Variants in FBXW4 observed in about 807,000 individuals in gnomAD.
The protein encoded by FBXW4 is F-box and WD repeat domain containing 4.
In FBXW4, 40 loss-of-function variants were observed where a neutral mutation model predicts 61.8. The ratio of observed to expected loss-of-function variants is 0.65; its 90% CI spans 0.50 to 0.84. The LOEUF (loss-of-function observed/expected upper bound fraction) is 0.84. FBXW4 is among the 40% of genes least tolerant of loss of function. FBXW4 has a pLI of 0.00. For synonymous variants in FBXW4, 311 were observed against 313.8 expected, an observed-to-expected ratio of 0.99 and a Z score of 0.10; for missense variants, 672 against 753.8, an observed-to-expected ratio of 0.89 and a Z score of 1.27.
intron 5 of FBXW4, among the ~76,000 whole-genome samples, chr10:101,629,982 C>T (rs2063938395): frequency 6.6e-6 from 1 of 152,214 alleles, no homozygotes; most frequent in East Asian, 1.9e-4. Context: ...TGGCCCAGGC[C>T]CCAGCAGCCT....
chr10:101,694,274 C>A lies in FBXW4; in HGVS notation c.725+107G>T, dbSNP rs1031563459. ...CGGAGGTCAGGTGTAGGCCTAGAAA[C>A]TCGGGGTGCGACACGACCCTGGGCC... On this transcript the variant is annotated intron_variant, in intron 1 of 8. Transcript: ENST00000331272. This position sits in a 1 kb window ranked among gnomAD's most constrained non-coding sequence, Gnocchi z 6.0. 1.1e-5 allele frequency: 12 copies of A among 1,108,952 alleles called. No homozygotes were observed. The highest frequency in any genetic ancestry group is 1.3e-5 in the Non-Finnish European group (11 of 851,774). 68.7% of individuals were successfully genotyped at this position (1,108,952 alleles called of 1,614,324 possible).
intron 5 of FBXW4, among the ~76,000 whole-genome samples, chr10:101,630,447 C>A (rs1282397786): frequency 6.6e-6 from 1 of 152,188 alleles, no homozygotes; most frequent in Non-Finnish European, 1.5e-5. Context: ...CTCAAGGAAA[C>A]CTCTGTCCCT....
chr10:101,640,213 C>G (rs1348030743), intron 5 of FBXW4, among the ~76,000 whole-genome samples: 2 of 152,190 alleles, frequency 1.3e-5, no homozygotes, highest in Non-Finnish European at 2.9e-5. Flanking sequence ...TGCCTAAGAA[C>G]AGTGCCAGGA....
chr10:101,658,396 T>G (rs1048146055), intron 5 of FBXW4, among the ~76,000 whole-genome samples: 1 of 152,006 alleles, frequency 6.6e-6, no homozygotes, highest in Admixed American at 6.5e-5. Context: ...AATACAAAAA[T>G]TAGCCAGGCG....
chr10:101,672,125 A>G (rs555896834), intron 4 of FBXW4, among the ~76,000 whole-genome samples: 1 of 152,292 alleles, frequency 6.6e-6, no homozygotes, highest in South Asian at 2.1e-4. Context: ...TGTTAGCACT[A>G]TGGAACCTAG....
At chr10:101,654,312 C>T (rs1431446349) in intron 5 of FBXW4, among the ~76,000 whole-genome samples, 1 of 151,910 alleles carries the variant, frequency 6.6e-6, no homozygotes, top group African/African-American at 2.4e-5. Flanking sequence ...AGTTGCACAA[C>T]TTTATAAATT....
At chr10:101,632,026 A>C (rs1268608058) in intron 5 of FBXW4, among the ~76,000 whole-genome samples, 1 of 152,202 alleles carries the variant, frequency 6.6e-6, no homozygotes, top group African/African-American at 2.4e-5. Context: ...TGGTACAGCT[A>C]GTGTTAGCAA....
At chr10:101,645,430 G>A (rs778212133) in intron 5 of FBXW4, among the ~76,000 whole-genome samples, 1 of 152,192 alleles carries the variant, frequency 6.6e-6, no homozygotes, top group Non-Finnish European at 1.5e-5. Context: ...CCCTGTGTCA[G>A]TCCTGTGTCT....
At chr10:101,638,101 A>T (rs927105457) in intron 5 of FBXW4, among the ~76,000 whole-genome samples, 8 of 152,178 alleles carry the variant, frequency 5.3e-5, no homozygotes, top group Non-Finnish European at 1.2e-4. Context: ...TGATCTTTCT[A>T]AGTGTCTTTC....
chr10:101,665,922 G>A (rs2064295117), intron 5 of FBXW4, among the ~76,000 whole-genome samples: 1 of 152,112 alleles, frequency 6.6e-6, no homozygotes, highest in South Asian at 2.1e-4. Flanking sequence ...CTCCGGCCCT[G>A]AGAGCTTCTC....
chr10:101,680,446 G>C (rs1229993393), intron 1 of FBXW4, among the ~76,000 whole-genome samples: 1 of 152,136 alleles, frequency 6.6e-6, no homozygotes, highest in African/African-American at 2.4e-5. Flanking sequence ...TAACACTGTA[G>C]ATATAAGTTT....
intron 1 of FBXW4, among the ~76,000 whole-genome samples, chr10:101,685,148 G>C (rs2064522280): frequency 6.6e-6 from 1 of 152,318 alleles, no homozygotes; most frequent in Non-Finnish European, 1.5e-5. Flanking sequence ...CTGGGGACTA[G>C]TCAAATTCAT....
At chr10:101,652,521 G>A (rs2064153486) in intron 5 of FBXW4, among the ~76,000 whole-genome samples, 1 of 151,786 alleles carries the variant, frequency 6.6e-6, no homozygotes, top group East Asian at 1.9e-4. Context: ...GCCCAAAGTA[G>A]GCAACCCTCA....
chr10:101,614,825 C>T (rs1432114622), intron 6 of FBXW4, among the ~76,000 whole-genome samples: 1 of 152,150 alleles, frequency 6.6e-6, no homozygotes, highest in Non-Finnish European at 1.5e-5. Context: ...TAATAGCAAC[C>T]CAGCAGTGCC....
intron 5 of FBXW4, among the ~76,000 whole-genome samples, chr10:101,651,285 C>T (rs2064143815): frequency 6.6e-6 from 1 of 152,042 alleles, no homozygotes. Context: ...CTCGCCTACA[C>T]TCTGGAGCGC....
intron 5 of FBXW4, among the ~76,000 whole-genome samples, chr10:101,667,047 C>G (rs2064309201): frequency 6.6e-6 from 1 of 151,814 alleles, no homozygotes; most frequent in Non-Finnish European, 1.5e-5. Context: ...CTGGCTAACA[C>G]AGTGAAACTC....
At chr10:101,621,877 TAA>T (rs2134812609) in intron 6 of FBXW4, among the ~76,000 whole-genome samples, 1 of 152,272 alleles carries the variant, frequency 6.6e-6, no homozygotes, top group South Asian at 2.1e-4. Context: ...TTCAGATATT[TAA>T]AAGTCTGTTC....
chr10:101,672,857 C>T (rs563265585), intron 4 of FBXW4, 58 bp downstream of exon 4: 39 of 1,577,576 alleles, frequency 2.5e-5, no homozygotes, highest in Non-Finnish European at 3.1e-5. Context: ...AGGGATCTAT[C>T]CACCCCCTCC....
At chr10:101,666,918 A>G (rs1008034064) in intron 5 of FBXW4, among the ~76,000 whole-genome samples, 1 of 139,488 alleles carries the variant, frequency 7.2e-6, no homozygotes, top group African/African-American at 2.7e-5. Context: ...AGAAACAAAA[A>G]AAGAATGAAA....
Sources: allele counts gnomAD v4.1 joint callset (sites outside exome capture counted in the v4.1 genomes callset), GRCh38; gene constraint gnomAD v4.1.1; non-coding constraint Gnocchi (gnomAD v3.1); transcripts MANE v1.5; gene names NCBI Gene and HGNC (gene_info 2026-07-23, HGNC 2026-07-21).